Variants in EPB41L4A observed in about 807,000 individuals in gnomAD.
The protein encoded by EPB41L4A is band 4.1-like protein 4A.
EPB41L4A carries 100 observed loss-of-function variants against 108.6 expected under a neutral mutation model. The observed-to-expected ratio is 0.92, with a 90% CI of 0.78 to 1.09. The LOEUF (loss-of-function observed/expected upper bound fraction) is 1.09. Among genes scored for constraint, EPB41L4A ranks in the 50% least tolerant of loss-of-function variants. EPB41L4A has a pLI of 0.00. For missense variants in EPB41L4A, 1,030 were observed against 842.7 expected (o/e 1.22, Z -2.75); for synonymous variants, 319 against 289.0 (o/e 1.10, Z -1.05).
rs3067637 is a variant in EPB41L4A at position 112,165,127 on chromosome 5, T to TAC, written c.1933-10_1933-9insGT. ...TTAGACCCATTTCTTCTCTAAAATA[T>TAC]ATTTGAAAAATGTAGAAAGATTCAG... is the stretch of plus-strand genomic sequence containing the variant. On this transcript the variant is annotated splice_polypyrimidine_tract_variant and intron_variant, in intron 22 of 22. Coordinates refer to ENST00000261486, the MANE Select transcript of EPB41L4A (RefSeq NM_022140.5). 0.75 allele frequency: 1,080,152 copies of TAC among 1,447,538 alleles called. 377,563 individuals are homozygous for TAC. Among genetic ancestry groups the TAC allele is most frequent in the East Asian group, 1 (44,555 of 44,636 alleles). 89.7% of individuals were successfully genotyped at this position (1,447,538 alleles called of 1,614,324 possible). A position where few individuals can be genotyped will look rare whatever the true frequency, so the allele number is the denominator to read the frequency against.
At chr5:112,188,876 C>T (rs536584960) in intron 17 of EPB41L4A, among the ~76,000 whole-genome samples, 3 of 152,244 alleles carry the variant, frequency 2.0e-5, no homozygotes, top group East Asian at 1.9e-4. Flanking sequence ...TCTTCTTTAC[C>T]ACTCCCAAAA....
chr5:112,343,154 C>T (rs1002791826), intron 1 of EPB41L4A, among the ~76,000 whole-genome samples: 1 of 152,132 alleles, frequency 6.6e-6, no homozygotes, highest in Non-Finnish European at 1.5e-5. Flanking sequence ...TTCTCAAGTG[C>T]TTTGAAGCAT....
chr5:112,202,111 G>A (rs1010008516), intron 15 of EPB41L4A, among the ~76,000 whole-genome samples: 1 of 152,194 alleles, frequency 6.6e-6, no homozygotes, highest in Non-Finnish European at 1.5e-5. Context: ...AACAGGAAAA[G>A]TTATTTTCCT....
chr5:112,269,497 C>G (rs188642789), intron 4 of EPB41L4A, among the ~76,000 whole-genome samples: 1 of 152,024 alleles, frequency 6.6e-6, no homozygotes, highest in African/African-American at 2.4e-5. Flanking sequence ...TAAATTAGAA[C>G]AAGTTAGAGT....
chr5:112,208,073 C>T (rs1312698729), intron 13 of EPB41L4A, among the ~76,000 whole-genome samples: 1 of 152,050 alleles, frequency 6.6e-6, no homozygotes, highest in Non-Finnish European at 1.5e-5. Context: ...TGGTAAAACC[C>T]CATCTCTACC....
chr5:112,197,547 A>G (rs1484409051), intron 15 of EPB41L4A, among the ~76,000 whole-genome samples: 1 of 152,204 alleles, frequency 6.6e-6, no homozygotes, highest in East Asian at 1.9e-4. Context: ...TTTCTAAGAG[A>G]AGATACTTGC....
chr5:112,347,405 T>A (rs917680165), intron 1 of EPB41L4A, among the ~76,000 whole-genome samples: 4 of 152,196 alleles, frequency 2.6e-5, no homozygotes, highest in African/African-American at 9.7e-5. Flanking sequence ...TCCCCAGTGT[T>A]GATCATTCAT....
rs1405689179 is a variant in EPB41L4A, at chr5:112,331,819, C to G, written c.100-24329G>C. Among the ~76,000 whole-genome samples, 5 of 152,208 alleles carry G rather than the reference C, an allele frequency of 3.3e-5. No homozygotes were observed. In the East Asian group the frequency reaches 9.6e-4, roughly 29 times the overall value. ...TGACAGCAGCTGGAGGCTACCAACT[C>G]CATAAGGGATATGCTGTCCATGGCC... On this transcript the variant is annotated intron_variant, in intron 1 of 22. Transcript: ENST00000261486.
At chr5:112,214,659 G>T (rs555806552) in intron 12 of EPB41L4A, among the ~76,000 whole-genome samples, 1 of 152,206 alleles carries the variant, frequency 6.6e-6, no homozygotes, top group East Asian at 1.9e-4. Flanking sequence ...CCAGCTACTC[G>T]GGAGGCTGAG....
chr5:112,358,319 G>C (rs1489569924), intron 1 of EPB41L4A, among the ~76,000 whole-genome samples: 3 of 152,174 alleles, frequency 2.0e-5, no homozygotes, highest in Admixed American at 2.0e-4. Context: ...TCAGGGATTG[G>C]TTATGGTGGT....
In EPB41L4A at chr5:112,205,439, T is replaced by C. The variant is rs746727457; in HGVS notation, c.1244A>G (p.Glu415Gly). The C allele has an allele frequency of 1.2e-6, 2 of 1,613,984 alleles. No homozygotes were observed. The highest frequency in any genetic ancestry group is 2.7e-5 in the African/African-American group (2 of 75,036). The part of the protein sequence containing the change: ...TQRSKSHAPW[E>G]ENGPQSGLYN... ...CCTTTACCTCTGGGGGCCATTTTCT[T>C]CCCACGGTGCATGAGATTTGCTTCT... The change falls in exon 14 of 23, where the codon GAA becomes GGA. Residue 415 changes from glutamate (E) to glycine (G), a missense_variant. Coordinates refer to ENST00000261486, the MANE Select transcript of EPB41L4A (RefSeq NM_022140.5).
intron 17 of EPB41L4A, among the ~76,000 whole-genome samples, chr5:112,184,939 A>C (rs1173900420): frequency 6.6e-6 from 1 of 152,202 alleles, no homozygotes; most frequent in Non-Finnish European, 1.5e-5. Flanking sequence ...TATAGACTTA[A>C]CAAAACCCAT....
chr5:112,316,228 G>C (rs916096586), intron 1 of EPB41L4A, among the ~76,000 whole-genome samples: 1 of 152,180 alleles, frequency 6.6e-6, no homozygotes, highest in Non-Finnish European at 1.5e-5. Flanking sequence ...GTTCCTGCCA[G>C]CTTCACAGAA....
chr5:112,162,146 C>T (rs528402178), downstream of EPB41L4A: 108 of 152,274 alleles, frequency 7.1e-4, no homozygotes, highest in African/African-American at 2.5e-3. Context: ...TATTTTTTCT[C>T]TTAGGATGTC....
At chr5:112,388,401 A>G (rs939853403) in intron 1 of EPB41L4A, among the ~76,000 whole-genome samples, 2 of 152,158 alleles carry the variant, frequency 1.3e-5, no homozygotes, top group Admixed American at 6.5e-5. Context: ...AGGCTCCTCT[A>G]TGTATCTGAC....
At position 112,280,273 on chromosome 5, in the gene EPB41L4A, G is replaced by A; in HGVS notation, c.255C>T (p.Asn85=). 3.1e-6 allele frequency: 5 copies of A among 1,613,634 alleles called. No homozygotes were observed. The highest frequency in any genetic ancestry group is 4.2e-6 in the Non-Finnish European group (5 of 1,179,568). The change falls in exon 3 of 23, where the codon AAC becomes AAT. Residue 85 remains asparagine (N), a splice_region_variant and synonymous_variant. Transcript: ENST00000261486. Reference sequence around the variant, plus strand: ...ACAAAGTAAAAGCTAAATACCTACTGTTGATCAGTTCTTTGTGTTCAGCAA... The same window carrying A: ...ACAAAGTAAAAGCTAAATACCTACTATTGATCAGTTCTTTGTGTTCAGCAA... The part of the protein sequence containing the change: ...KTLAEHKELI[N]TGPPYTLYFG...
At chr5:112,314,500 GCTA>G (rs1755280688) in intron 1 of EPB41L4A, among the ~76,000 whole-genome samples, 1 of 64,648 alleles carries the variant, frequency 1.5e-5, no homozygotes, top group Non-Finnish European at 2.6e-5. Flanking sequence ...AAACCCCATC[GCTA>G]CTAAAAAAAA....
intron 1 of EPB41L4A, among the ~76,000 whole-genome samples, chr5:112,339,542 A>ATATATCTATATATAGATATATATATAT (rs371198329): frequency 1.8e-5 from 2 of 110,684 alleles, no homozygotes; most frequent in Non-Finnish European, 1.9e-5. Context: ...ATATATATAT[A>ATATATCTATATATAGATATATATATAT]TTTTTTTTTT....
chr5:112,178,204 G>A (rs1423004955), intron 18 of EPB41L4A, among the ~76,000 whole-genome samples: 1 of 152,110 alleles, frequency 6.6e-6, no homozygotes, highest in Non-Finnish European at 1.5e-5. Flanking sequence ...ATGTGTAGTG[G>A]ACACAGAGAA....
Sources: allele counts gnomAD v4.1 joint callset (sites outside exome capture counted in the v4.1 genomes callset), GRCh38; gene constraint gnomAD v4.1.1; transcripts MANE v1.5; gene names NCBI Gene and HGNC (gene_info 2026-07-23, HGNC 2026-07-21).